Variants in ABTB2 observed in about 807,000 individuals in gnomAD.
ABTB2 encodes ankyrin repeat and BTB/POZ domain-containing protein 2.
In ABTB2, 56 loss-of-function variants were observed where a neutral mutation model predicts 104.1. That is an observed-to-expected ratio of 0.54 (90% CI 0.43 to 0.67). The LOEUF (loss-of-function observed/expected upper bound fraction) is 0.67, where lower values mean the gene tolerates loss of function less well. ABTB2 is among the 30% of genes least tolerant of loss of function. The pLI is 0.00. For synonymous variants in ABTB2, 606 were observed against 608.2 expected, an observed-to-expected ratio of 1.00 and a Z score of 0.05; for missense variants, 1,279 against 1,407.7, an observed-to-expected ratio of 0.91 and a Z score of 1.46.
chr11:34,347,935 C>T (rs1475057438), intron 1 of ABTB2, among the ~76,000 whole-genome samples: 7 of 152,272 alleles, frequency 4.6e-5, no homozygotes, highest in South Asian at 2.1e-4. Context: ...TTATGCTCCA[C>T]GATTAAGAAT....
intron 1 of ABTB2, among the ~76,000 whole-genome samples, chr11:34,219,462 G>A (rs536607174): frequency 6.6e-6 from 1 of 152,066 alleles, no homozygotes; most frequent in African/African-American, 2.4e-5. Context: ...AGGATTGCTT[G>A]GGCCCAGAAG....
Position 34,296,487 on chromosome 11 carries a change from GTATAACCCT to G in ABTB2, c.883+60205_883+60213del, listed in dbSNP as rs201920182. On this transcript the variant is annotated intron_variant, in intron 1 of 16. Coordinates refer to ENST00000435224, the MANE Select transcript of ABTB2 (RefSeq NM_145804.3). ...GCAGTTACTGGTCATAAGGCCCAAG[GTATAACCCT>G]GAGGGCAGGTAGCTGAAGTCAGATA... Among the ~76,000 whole-genome samples, 231 of 152,312 alleles carry G rather than the reference GTATAACCCT, an allele frequency of 1.5e-3. 1 individual carries two copies. The East Asian group carries it at 0.024, about 16-fold the overall frequency.
chr11:34,320,908 T>G (rs973744081), intron 1 of ABTB2, among the ~76,000 whole-genome samples: 1 of 152,118 alleles, frequency 6.6e-6, no homozygotes, highest in Non-Finnish European at 1.5e-5. Flanking sequence ...ACTGGCCAAG[T>G]GCGGTGGCTC....
intron 5 of ABTB2, among the ~76,000 whole-genome samples, chr11:34,170,447 C>T (rs1047777436): frequency 3.3e-5 from 5 of 152,224 alleles, no homozygotes; most frequent in Non-Finnish European, 7.3e-5. Context: ...TCATTTTAGT[C>T]CTCAGCACTT....
chr11:34,254,334 A>G (rs1854093780), intron 1 of ABTB2, among the ~76,000 whole-genome samples: 1 of 151,912 alleles, frequency 6.6e-6, no homozygotes, highest in African/African-American at 2.4e-5. Context: ...TGCAGCCTCA[A>G]CCTCCCAGGC....
chr11:34,310,724 C>T (rs1186173981), intron 1 of ABTB2, among the ~76,000 whole-genome samples: 1 of 152,142 alleles, frequency 6.6e-6, no homozygotes, highest in Non-Finnish European at 1.5e-5. Flanking sequence ...GTCACGGACC[C>T]CTGTTTAAGA....
intron 1 of ABTB2, chr11:34,335,497 T>A: frequency 1.1e-6 from 1 of 912,000 alleles, no homozygotes; most frequent in African/African-American, 1.6e-5. Flanking sequence ...AATTTGCTAT[T>A]AGCTACTTCT....
intron 3 of ABTB2, among the ~76,000 whole-genome samples, chr11:34,173,635 T>A (rs970140636): frequency 6.6e-6 from 1 of 152,142 alleles, no homozygotes; most frequent in South Asian, 2.1e-4. Context: ...TAGCAGAACC[T>A]GAGGGCCCTC....
intron 1 of ABTB2, among the ~76,000 whole-genome samples, chr11:34,349,587 C>G (rs1396011980): frequency 6.6e-6 from 1 of 152,174 alleles, no homozygotes; most frequent in African/African-American, 2.4e-5. Context: ...TCTTATGTGT[C>G]AGGCATAACA....
rs373279099 is a variant in ABTB2 at position 34,196,572 on chromosome 11, T to A, written c.1244+753A>T. On this transcript the variant is annotated intron_variant, in intron 3 of 16. Transcript: ENST00000435224. ...CCGTCTAAAAAAAAAAGAAAAGGTA[T>A]CCTGTCCTCAGGCTGACATGGCCCC... 2.0e-5 allele frequency among the ~76,000 whole-genome samples: 3 copies of A among 152,158 alleles called. No homozygotes were observed. In the East Asian group the frequency reaches 5.8e-4, roughly 29 times the overall value.
At chr11:34,228,619 T>C (rs1853718462) in intron 1 of ABTB2, among the ~76,000 whole-genome samples, 1 of 151,990 alleles carries the variant, frequency 6.6e-6, no homozygotes, top group South Asian at 2.1e-4. Flanking sequence ...CCTCAGGTGA[T>C]CGCCTGCCTC....
At chr11:34,313,411 G>T (rs565257774) in intron 1 of ABTB2, among the ~76,000 whole-genome samples, 1 of 152,310 alleles carries the variant, frequency 6.6e-6, no homozygotes, top group East Asian at 1.9e-4. Flanking sequence ...AAGCCACCTG[G>T]CTGAGAAGGC....
chr11:34,152,889 T>G (rs1482657798), intron 16 of ABTB2, among the ~76,000 whole-genome samples: 1 of 152,206 alleles, frequency 6.6e-6, no homozygotes, highest in Non-Finnish European at 1.5e-5. Context: ...TGTCCAGGGC[T>G]CAGCACCAGG....
intron 1 of ABTB2, among the ~76,000 whole-genome samples, chr11:34,340,915 T>C (rs1197034385): frequency 6.6e-6 from 1 of 152,080 alleles, no homozygotes; most frequent in Non-Finnish European, 1.5e-5. Context: ...ACAAGCTCAG[T>C]AGGAAAGATG....
chr11:34,207,453 T>C (rs1050102710), intron 1 of ABTB2, among the ~76,000 whole-genome samples: 2 of 152,282 alleles, frequency 1.3e-5, no homozygotes, highest in African/African-American at 4.8e-5. Flanking sequence ...TTATTAATAA[T>C]AGTAATTGAT....
rs187296498 is a variant in ABTB2, at chr11:34,332,070, C to T, written c.883+24631G>A. The stretch of plus-strand genomic sequence containing the variant: ...ATCTGATTTTGTAGCCATGGTCTTC[C>T]CAGTATAGTATGCAATAGCCTGTAT... On this transcript the variant is annotated intron_variant, in intron 1 of 16. Coordinates refer to ENST00000435224, the MANE Select transcript of ABTB2 (RefSeq NM_145804.3). 6.4e-4 allele frequency among the ~76,000 whole-genome samples: 98 copies of T among 152,302 alleles called. 2 individuals carry two copies. The highest frequency in any genetic ancestry group is 2.3e-3 in the African/African-American group (96 of 41,560).
At chr11:34,303,826 A>T (rs922765912) in intron 1 of ABTB2, among the ~76,000 whole-genome samples, 1 of 151,906 alleles carries the variant, frequency 6.6e-6, no homozygotes, top group African/African-American at 2.4e-5. Context: ...TATTTTTAGT[A>T]GAGACGGGAT....
chr11:34,236,799 T>G (rs952429526), intron 1 of ABTB2, among the ~76,000 whole-genome samples: 2 of 152,162 alleles, frequency 1.3e-5, no homozygotes, highest in Non-Finnish European at 2.9e-5. Context: ...CTAGATAGAT[T>G]AGCACCTTCC....
intron 2 of ABTB2, among the ~76,000 whole-genome samples, chr11:34,202,995 C>T (rs1256174614): frequency 6.6e-6 from 1 of 152,146 alleles, no homozygotes; most frequent in Admixed American, 6.5e-5. Flanking sequence ...GATGTCAAGC[C>T]CTTACCTAGG....
Sources: gnomAD v4.1 joint callset for allele counts (sites outside exome capture counted in the v4.1 genomes callset) on GRCh38, gnomAD v4.1.1 for gene constraint, MANE v1.5 for transcripts, NCBI Gene and HGNC (gene_info 2026-07-23, HGNC 2026-07-21) for gene names.